TMEM132C: variants seen among roughly 807,000 people sequenced by gnomAD.
The protein encoded by TMEM132C is transmembrane protein 132C.
A neutral mutation model predicts 61.4 loss-of-function variants in TMEM132C; 29 were observed. That is an observed-to-expected ratio of 0.47 (90% CI 0.35 to 0.64). The LOEUF is 0.64. Ranked by LOEUF, TMEM132C falls within the 30% of genes least tolerant of loss-of-function variation. The pLI, the probability that TMEM132C is intolerant of heterozygous loss-of-function variation, is 0.00. For synonymous variants in TMEM132C, 656 were observed against 633.1 expected (o/e 1.04, Z -0.54); for missense variants, 1,408 against 1,476.9 (o/e 0.95, Z 0.76).
chr12:128,473,679 C>G (rs1004551210), intron 2 of TMEM132C, among the ~76,000 whole-genome samples: 10 of 152,180 alleles, frequency 6.6e-5, no homozygotes, highest in African/African-American at 2.4e-4. Context: ...CTTCTATCTT[C>G]ATCCTCACTC....
intron 2 of TMEM132C, among the ~76,000 whole-genome samples, chr12:128,429,560 T>G (rs568718632): frequency 1.1e-3 from 175 of 152,272 alleles, no homozygotes; most frequent in Middle Eastern, 6.8e-3. Context: ...GAAATGCTCC[T>G]CCCAGATGTT....
chr12:128,295,833 A>G (rs993018313), intron 1 of TMEM132C, among the ~76,000 whole-genome samples: 2 of 151,372 alleles, frequency 1.3e-5, no homozygotes, highest in African/African-American at 4.8e-5. Flanking sequence ...AGAATATTGT[A>G]CTTTTCAGAC....
At chr12:128,667,749 A>G (rs531972659) in intron 4 of TMEM132C, among the ~76,000 whole-genome samples, 1 of 152,218 alleles carries the variant, frequency 6.6e-6, no homozygotes, top group South Asian at 2.1e-4. Flanking sequence ...TCATCTGTCC[A>G]TAAAGAAAAG....
At chr12:128,466,184 G>A (rs1002489821) in intron 2 of TMEM132C, among the ~76,000 whole-genome samples, 2 of 152,170 alleles carry the variant, frequency 1.3e-5, no homozygotes, top group Non-Finnish European at 2.9e-5. Flanking sequence ...CAGCATGTGT[G>A]AAGGGGAGAG....
chr12:128,308,299 A>T (rs1871849550), intron 1 of TMEM132C, among the ~76,000 whole-genome samples: 3 of 152,108 alleles, frequency 2.0e-5, no homozygotes, highest in African/African-American at 7.2e-5. Context: ...GAGGTTTTTA[A>T]AATTATTATT....
chr12:128,586,146 G>C (rs1284484452), intron 3 of TMEM132C, among the ~76,000 whole-genome samples: 2 of 152,142 alleles, frequency 1.3e-5, no homozygotes, highest in Non-Finnish European at 2.9e-5. Flanking sequence ...AGTGGGAGGG[G>C]ATTTGAGGAA....
At chr12:128,469,036 C>G (rs570687532) in intron 2 of TMEM132C, among the ~76,000 whole-genome samples, 1 of 152,266 alleles carries the variant, frequency 6.6e-6, no homozygotes, top group African/African-American at 2.4e-5. Flanking sequence ...TTCAACACAT[C>G]CCTCATAGCA....
intron 3 of TMEM132C, among the ~76,000 whole-genome samples, chr12:128,558,807 C>G (rs1319679840): frequency 1.3e-5 from 2 of 152,236 alleles, no homozygotes; most frequent in East Asian, 3.8e-4. Context: ...TGGTGATTGA[C>G]TATTCTTTGC....
At chr12:128,520,880 A>AGTTGTGTGTTTGCTCCCAT (rs753414421) in intron 2 of TMEM132C, among the ~76,000 whole-genome samples, 228 of 151,638 alleles carry the variant, frequency 1.5e-3, no homozygotes, top group South Asian at 3.1e-3. Flanking sequence ...TGGGAGGGAG[A>AGTTGTGTGTTTGCTCCCAT]GTTGTGTGTT....
intron 3 of TMEM132C, among the ~76,000 whole-genome samples, chr12:128,558,685 T>C (rs967647811): frequency 2.2e-4 from 34 of 152,252 alleles, no homozygotes; most frequent in Non-Finnish European, 2.9e-5. Context: ...CTGGAAGCTC[T>C]ATCCTGTCCA....
chr12:128,651,311 C>T (rs559247333), intron 4 of TMEM132C, among the ~76,000 whole-genome samples: 18 of 152,332 alleles, frequency 1.2e-4, no homozygotes, highest in African/African-American at 2.2e-4. Flanking sequence ...AAGCACAGGG[C>T]CCTGGCCTCA....
In TMEM132C at chr12:128,267,459, C is replaced by T. The variant is rs1227784129; in HGVS notation, c.57C>T (p.Ser19=). 3.1e-6 allele frequency: 4 copies of T among 1,270,194 alleles called. No individual in the cohort carries two copies. The highest frequency in any genetic ancestry group is 3.2e-5 in the East Asian group (1 of 31,524). 78.7% of individuals were successfully genotyped at this position (1,270,194 alleles called of 1,614,324 possible). The change falls in exon 1 of 9, where the codon AGC becomes AGT. Residue 19 remains serine, a synonymous_variant. Transcript: ENST00000435159. ...CGGCGCCGCTGTGCGGGGCGCTGAG[C>T]CTGCTGCTGGGCGCGCTGCTGGGCA... ...GPAAPLCGAL[S]LLLGALLGKV... is the part of the protein sequence containing the mutation.
intron 1 of TMEM132C, among the ~76,000 whole-genome samples, chr12:128,299,065 T>C (rs55831439): frequency 0.027 from 4,187 of 152,328 alleles, 169 homozygotes; most frequent in African/African-American, 0.088. Flanking sequence ...CACGGTGGCT[T>C]ACGGTAGGAT....
At chr12:128,374,060 AG>A in intron 1 of TMEM132C, among the ~76,000 whole-genome samples, 1 of 152,266 alleles carries the variant, frequency 6.6e-6, no homozygotes, top group African/African-American at 2.4e-5. Context: ...GGATAATAAG[AG>A]TCCCTGCTCC....
chr12:128,394,014 C>G (rs1055564837), intron 1 of TMEM132C, among the ~76,000 whole-genome samples: 12 of 152,120 alleles, frequency 7.9e-5, no homozygotes, highest in Admixed American at 5.2e-4. Flanking sequence ...AAGGCACACC[C>G]AAGACTGGGT....
chr12:128,679,233 C>T (rs1043985629), intron 5 of TMEM132C, among the ~76,000 whole-genome samples: 1 of 152,258 alleles, frequency 6.6e-6, no homozygotes, highest in Non-Finnish European at 1.5e-5. Flanking sequence ...GAGTTCTCCA[C>T]ACTGTATTGG....
At chr12:128,551,433 G>T (rs538495862) in intron 3 of TMEM132C, among the ~76,000 whole-genome samples, 1 of 152,154 alleles carries the variant, frequency 6.6e-6, no homozygotes, top group Admixed American at 6.5e-5. Flanking sequence ...ACACCAGACC[G>T]CGTGGCATTT....
At chr12:128,508,191 A>G (rs78325180) in intron 2 of TMEM132C, among the ~76,000 whole-genome samples, 267 of 152,326 alleles carry the variant, frequency 1.8e-3, no homozygotes, top group African/African-American at 6.3e-3. Context: ...TGAGGGAATG[A>G]GGCAGAGGCG....
At chr12:128,656,090 G>A (rs900036797) in intron 4 of TMEM132C, among the ~76,000 whole-genome samples, 2 of 152,048 alleles carry the variant, frequency 1.3e-5, no homozygotes, top group East Asian at 1.9e-4. Context: ...TCGCTCTGTC[G>A]CTCAGGCTGG....
Sources: gnomAD v4.1 joint callset for allele counts (sites outside exome capture counted in the v4.1 genomes callset) on GRCh38, gnomAD v4.1.1 for gene constraint, MANE v1.5 for transcripts, NCBI Gene and HGNC (gene_info 2026-07-23, HGNC 2026-07-21) for gene names.